The following KDM7A variants were observed in gnomAD, a reference collection of about 807,000 sequenced individuals.
KDM7A encodes lysine-specific demethylase 7A.
KDM7A carries 28 observed loss-of-function variants against 114.8 expected under a neutral mutation model. That is an observed-to-expected ratio of 0.24 (90% CI 0.18 to 0.33). The LOEUF is 0.33. KDM7A is among the 10% of genes least tolerant of loss of function. KDM7A has a pLI of 1.00. For synonymous variants in KDM7A, 423 were observed against 397.8 expected, an observed-to-expected ratio of 1.06 and a Z score of -0.75; for missense variants, 942 against 1,142.5, an observed-to-expected ratio of 0.82 and a Z score of 2.53.
At chr7:140,151,175 C>T (rs1325921220) in intron 1 of KDM7A, among the ~76,000 whole-genome samples, 1 of 152,144 alleles carries the variant, frequency 6.6e-6, no homozygotes, top group African/African-American at 2.4e-5. Flanking sequence ...GATTCTTTTG[C>T]AGCAATCTCA....
intron 1 of KDM7A, among the ~76,000 whole-genome samples, chr7:140,152,425 G>C (rs1287755190): frequency 2.0e-5 from 3 of 152,102 alleles, no homozygotes; most frequent in Non-Finnish European, 4.4e-5. Context: ...AGCAGTTCAA[G>C]ACCAGCCTGG....
rs1384563029 is a variant in KDM7A, at chr7:140,096,976, A to C, written c.2088T>G (p.Phe696Leu). The C allele has an allele frequency of 1.2e-6, 2 of 1,612,724 alleles. No individual in the cohort carries two copies. Among genetic ancestry groups the C allele is most frequent in the African/African-American group, 2.7e-5 (2 of 74,894 alleles). Reference sequence around the variant, plus strand: ...TCCTCATCACATTAGATTCCTCCTTAAAGTTGGATGTTATTTCTTGTTTCT... The same window carrying C: ...TCCTCATCACATTAGATTCCTCCTTCAAGTTGGATGTTATTTCTTGTTTCT... ...DEKKQEITSNFKEESNVMRNF... is the reference protein window; with the variant it reads ...DEKKQEITSNLKEESNVMRNF... The change falls in exon 16 of 20, where the codon TTT (phenylalanine) becomes TTG (leucine). Residue 696 changes from phenylalanine (F) to leucine (L), a missense_variant. Physicochemically the swap from Phe to Leu is conservative, Grantham distance 22 (BLOSUM62 0). Coordinates refer to ENST00000397560, the MANE Select transcript of KDM7A (RefSeq NM_030647.2).
At chr7:140,110,997 T>C (rs1818420902) in intron 11 of KDM7A, 98 bp downstream of exon 11, 1 of 679,272 alleles carries the variant, frequency 1.5e-6, no homozygotes, top group South Asian at 2.3e-5. Context: ...CTTCTAAGTG[T>C]GTAAGAGTTT....
chr7:140,095,203 T>G lies in KDM7A; in HGVS notation c.2375-1065A>C, dbSNP rs564466962. Among the ~76,000 whole-genome samples, 284 of 152,304 alleles carry G rather than the reference T, an allele frequency of 1.9e-3. 1 individual carries two copies. Among genetic ancestry groups the G allele is most frequent in the African/African-American group, 6.3e-3 (262 of 41,542 alleles). ...GTATATGTAAAACCAATGCAATAAT[T>G]CTCTATAAAAATGGTATATTTTTCC... On this transcript the variant is annotated intron_variant, in intron 17 of 19. Transcript: ENST00000397560.
At chr7:140,164,132 C>T (rs1794549489) in intron 1 of KDM7A, among the ~76,000 whole-genome samples, 1 of 152,168 alleles carries the variant, frequency 6.6e-6, no homozygotes, top group African/African-American at 2.4e-5. Flanking sequence ...TCTGATCAAG[C>T]TTCTCTAAAG....
At chr7:140,098,555 A>T (rs10278885) in intron 14 of KDM7A, among the ~76,000 whole-genome samples, 1 of 152,202 alleles carries the variant, frequency 6.6e-6, no homozygotes, top group Non-Finnish European at 1.5e-5. Flanking sequence ...AAATTAAACG[A>T]AACTTGAAAC....
chr7:140,105,969 C>T (rs527870882), intron 11 of KDM7A, among the ~76,000 whole-genome samples: 10 of 152,122 alleles, frequency 6.6e-5, no homozygotes, highest in African/African-American at 2.4e-4. Context: ...ATTTCAGAGC[C>T]TGTTACTGGT....
At chr7:140,163,583 T>A (rs960829686) in intron 1 of KDM7A, among the ~76,000 whole-genome samples, 4 of 152,164 alleles carry the variant, frequency 2.6e-5, no homozygotes, top group African/African-American at 9.7e-5. Flanking sequence ...TGCCTGGCCC[T>A]CTTACCAGAT....
At position 140,120,471 on chromosome 7, in the gene KDM7A, C is replaced by A; in HGVS notation, c.1110G>T (p.Leu370=). The A allele has an allele frequency of 6.2e-7, 1 of 1,612,470 alleles. No homozygotes were observed. Among genetic ancestry groups the A allele is most frequent in the South Asian group, 1.1e-5 (1 of 91,048 alleles). ...GCTGCATGCCAATGTTAAGGTTGTG[C>A]AGGAAGTTCCCCCCAAAAGCCATAC... ...QDCMAFGGNF[L]HNLNIGMQLR... is the part of the protein sequence containing the mutation. The change falls in exon 8 of 20, where the codon CTG becomes CTT. Residue 370 remains leucine (L), a synonymous_variant. Transcript: ENST00000397560.
intron 11 of KDM7A, among the ~76,000 whole-genome samples, chr7:140,102,784 A>G (rs1414267871): frequency 3.9e-5 from 6 of 152,240 alleles, no homozygotes; most frequent in Non-Finnish European, 7.3e-5. Flanking sequence ...GACAATGAAC[A>G]TTCTTTTCAC....
intron 1 of KDM7A, among the ~76,000 whole-genome samples, chr7:140,168,359 A>C (rs1458714861): frequency 3.3e-5 from 5 of 152,178 alleles, no homozygotes; most frequent in African/African-American, 1.2e-4. Flanking sequence ...TGAGGTCAGG[A>C]GTTCAAGACC....
chr7:140,099,481 G>C (rs1818167291), intron 13 of KDM7A, among the ~76,000 whole-genome samples: 1 of 152,158 alleles, frequency 6.6e-6, no homozygotes, highest in South Asian at 2.1e-4. Context: ...TTACAGGTGT[G>C]AGCCACTGAG....
At chr7:140,119,774 G>A (rs924577014) in intron 8 of KDM7A, among the ~76,000 whole-genome samples, 1 of 152,116 alleles carries the variant, frequency 6.6e-6, no homozygotes, top group Admixed American at 6.5e-5. Flanking sequence ...CCCTAATAAC[G>A]CCACACACAG....
rs949285831 is a variant in KDM7A, at chr7:140,129,771, T to C, written c.399-118A>G. ...TTATCTATATCAGTGGTTCTTAACC[T>C]ATCACTTCTCATTCTTTTAATGACA... On this transcript the variant is annotated intron_variant, in intron 3 of 19. Transcript: ENST00000397560. The C allele has an allele frequency of 5.1e-5, 32 of 630,154 alleles. No homozygotes were observed. In the African/African-American group the frequency reaches 5.3e-4, roughly 10 times the overall value. The allele number at this position is 630,154 out of a possible 1,614,324, so 39.0% of individuals were successfully genotyped here.
At chr7:140,157,357 T>C (rs1191885028) in intron 1 of KDM7A, among the ~76,000 whole-genome samples, 1 of 152,214 alleles carries the variant, frequency 6.6e-6, no homozygotes, top group African/African-American at 2.4e-5. Context: ...ACTACACCAT[T>C]ATGTGAAAAC....
At chr7:140,139,310 G>C (rs1204751096) in intron 1 of KDM7A, 120 bp from the exon 2 acceptor site, 2 of 661,056 alleles carry the variant, frequency 3.0e-6, no homozygotes, top group African/African-American at 3.6e-5. Context: ...CATTTTTGTA[G>C]AGCACAGAAA....
chr7:140,143,043 T>C (rs1283713043), intron 1 of KDM7A, among the ~76,000 whole-genome samples: 2 of 151,680 alleles, frequency 1.3e-5, no homozygotes, highest in Admixed American at 6.6e-5. Context: ...TAGCCGGGCG[T>C]GGTGGTGGGC....
rs1451654637 is a variant in KDM7A at position 140,090,200 on chromosome 7, A to G, written c.*894T>C. 1.3e-5 allele frequency: 2 copies of G among 152,234 alleles called. No individual in the cohort carries two copies. Among genetic ancestry groups the G allele is most frequent in the Non-Finnish European group, 2.9e-5 (2 of 68,050 alleles). 9.4% of individuals were successfully genotyped at this position (152,234 alleles called of 1,614,324 possible). A position where few individuals can be genotyped will look rare whatever the true frequency, so the allele number is the denominator to read the frequency against. On this transcript the variant is annotated 3_prime_UTR_variant, in exon 20 of 20. Coordinates refer to ENST00000397560, the MANE Select transcript of KDM7A (RefSeq NM_030647.2). ...TAAAGCTGCTCTCTTTGGGACCCAG[A>G]TATCATCAGCAGAAATGAAAATGCA...
At chr7:140,163,294 C>T (rs924753560) in intron 1 of KDM7A, among the ~76,000 whole-genome samples, 1 of 150,454 alleles carries the variant, frequency 6.6e-6, no homozygotes, top group African/African-American at 2.4e-5. Context: ...ATGCCTGGCA[C>T]CAGGTCTTTT....
Sources: gnomAD v4.1 joint callset for allele counts (sites outside exome capture counted in the v4.1 genomes callset) on GRCh38, gnomAD v4.1.1 for gene constraint, MANE v1.5 for transcripts, NCBI Gene and HGNC (gene_info 2026-07-23, HGNC 2026-07-21) for gene names.